The following PTH2R variants were observed in gnomAD, a reference collection of about 807,000 sequenced individuals.
PTH2R encodes the protein PTH2 receptor.
In PTH2R, 59 loss-of-function variants were observed where a neutral mutation model predicts 60.3. The ratio of observed to expected loss-of-function variants is 0.98; its 90% CI spans 0.79 to 1.22. The LOEUF (loss-of-function observed/expected upper bound fraction) is 1.22. PTH2R is among the 50% of genes most tolerant of loss of function. The pLI is 0.00. For missense variants in PTH2R, 749 were observed against 682.6 expected (o/e 1.10, Z -1.08); for synonymous variants, 256 against 243.8 (o/e 1.05, Z -0.47).
intron 1 of PTH2R, among the ~76,000 whole-genome samples, chr2:208,410,735 G>C (rs371690722): frequency 6.6e-6 from 1 of 151,998 alleles, no homozygotes; most frequent in Admixed American, 6.6e-5. Flanking sequence ...AGTAATATAT[G>C]TTTTATGAAC....
chr2:208,459,729 C>T (rs1245092972), intron 8 of PTH2R, among the ~76,000 whole-genome samples, 166 bp from the exon 9 acceptor site: 1 of 152,142 alleles, frequency 6.6e-6, no homozygotes, highest in Non-Finnish European at 1.5e-5. Context: ...ACCCGTTACA[C>T]TTTTTCCCCC....
At chr2:208,488,452 T>C (rs1451703420) in intron 10 of PTH2R, among the ~76,000 whole-genome samples, 1 of 152,166 alleles carries the variant, frequency 6.6e-6, no homozygotes, top group Non-Finnish European at 1.5e-5. Flanking sequence ...GTCTCAAATA[T>C]AGAAGTTAAA....
Position 208,481,141 on chromosome 2 carries a change from G to A in PTH2R, c.1053G>A (p.Gly351=), listed in dbSNP as rs767678185. The part of the protein sequence containing the change: ...ATKIWETNAV[G]HDTRKQYRKL... ...AAATCTGGGAGACCAATGCAGTTGGGCATGACACAAGGAAGCAATACAGGT... is the reference window on the plus strand; with the variant it reads ...AAATCTGGGAGACCAATGCAGTTGGACATGACACAAGGAAGCAATACAGGT... The change falls in exon 10 of 13, where the codon GGG becomes GGA. Residue 351 remains glycine (G), a synonymous_variant. Coordinates refer to ENST00000272847, the MANE Select transcript of PTH2R (RefSeq NM_005048.4). The A allele has an allele frequency of 9.9e-6, 16 of 1,609,624 alleles. 1 individual carries two copies. The South Asian group carries it at 1.3e-4, about 13-fold the overall frequency.
In PTH2R at chr2:208,432,679, G is replaced by A. The variant is rs568176973; in HGVS notation, c.178+4376G>A. ...TAAGTCCAAGAGCCTCAAAAACAGG[G>A]AAGCCTTCAGTCCATGGCCAAATAC... On this transcript the variant is annotated intron_variant, in intron 2 of 12. Transcript: ENST00000272847. Among the ~76,000 whole-genome samples the A allele has an allele frequency of 1.6e-4, 25 of 152,250 alleles. No individual in the cohort carries two copies. In the South Asian group the frequency reaches 5.2e-3, roughly 32 times the overall value.
intron 4 of PTH2R, among the ~76,000 whole-genome samples, chr2:208,441,851 G>A (rs1702191124): frequency 6.6e-6 from 1 of 152,116 alleles, no homozygotes; most frequent in Non-Finnish European, 1.5e-5. Flanking sequence ...AATTACATAA[G>A]ATGTAAGCTT....
At chr2:208,374,667 T>C (rs1417426226) in intron 1 of PTH2R, among the ~76,000 whole-genome samples, 2 of 152,070 alleles carry the variant, frequency 1.3e-5, no homozygotes, top group South Asian at 4.2e-4. Context: ...CACGCCTGGC[T>C]AAGTTTTGTA....
At chr2:208,468,330 G>A (rs1329847873) in intron 9 of PTH2R, among the ~76,000 whole-genome samples, 1 of 152,186 alleles carries the variant, frequency 6.6e-6, no homozygotes, top group Non-Finnish European at 1.5e-5. Context: ...AGTGTTTTAT[G>A]TACATCAATG....
In PTH2R at chr2:208,493,548, G is replaced by A. The variant is rs781226474; in HGVS notation, c.1542G>A (p.Lys514=). 40 of 1,613,816 alleles carry A rather than the reference G, an allele frequency of 2.5e-5. No individual in the cohort carries two copies. Among genetic ancestry groups the A allele is most frequent in the Non-Finnish European group, 3.1e-5 (36 of 1,179,878 alleles). ...CACACTCTTTCCACGAGGAGACCAA[G>A]GAAGATAGTGGGAGGCAGGGAGATG... ...CLPHSFHEET[K]EDSGRQGDDI... The change falls in exon 13 of 13, where the codon AAG becomes AAA. Residue 514 remains lysine (K), a synonymous_variant. Transcript: ENST00000272847.
intron 8 of PTH2R, among the ~76,000 whole-genome samples, chr2:208,453,235 A>G (rs1026123036): frequency 1.3e-5 from 2 of 152,180 alleles, no homozygotes; most frequent in African/African-American, 4.8e-5. Flanking sequence ...TTTTGTTGAC[A>G]TATAAGCTCA....
rs1313945044 is a variant in PTH2R, at chr2:208,471,514, A to G, written c.982-9556A>G. Among the ~76,000 whole-genome samples, 8 of 152,338 alleles carry G rather than the reference A, an allele frequency of 5.3e-5. No homozygotes were observed. In the East Asian group the frequency reaches 1.4e-3, roughly 26 times the overall value. ...CAAGCCCCAAGCCTTGGCAGCTTCCATGTGGTGTTGAGCCTGTAAGTATAC... is the reference window on the plus strand; with the variant it reads ...CAAGCCCCAAGCCTTGGCAGCTTCCGTGTGGTGTTGAGCCTGTAAGTATAC... On this transcript the variant is annotated intron_variant, in intron 9 of 12. Coordinates refer to ENST00000272847, the MANE Select transcript of PTH2R (RefSeq NM_005048.4).
At chr2:208,392,580 C>T (rs1701126060) in intron 1 of PTH2R, among the ~76,000 whole-genome samples, 1 of 152,152 alleles carries the variant, frequency 6.6e-6, no homozygotes, top group Admixed American at 6.5e-5. Flanking sequence ...ATATCTCTAC[C>T]TAATAAAGGA....
intron 1 of PTH2R, among the ~76,000 whole-genome samples, chr2:208,381,739 C>G (rs982031053): frequency 1.3e-5 from 2 of 152,132 alleles, no homozygotes; most frequent in African/African-American, 4.8e-5. Flanking sequence ...CTTGTACAAT[C>G]AATACCCTGT....
chr2:208,490,662 C>T lies in PTH2R; in HGVS notation c.1239C>T (p.Tyr413=). The T allele has an allele frequency of 1.2e-6, 2 of 1,610,116 alleles. No individual in the cohort carries two copies. The highest frequency in any genetic ancestry group is 1.7e-6 in the Non-Finnish European group (2 of 1,179,084). Residue 413 remains tyrosine, a synonymous_variant, in exon 12 of 13, where the codon TAC becomes TAT. Coordinates refer to ENST00000272847, the MANE Select transcript of PTH2R (RefSeq NM_005048.4). ...SFQGFFVSII[Y]CYCNGEVQAE... ...AGGGTTTCTTTGTGTCTATCATCTACTGCTACTGCAATGGAGAGGTAGGTT... is the reference window on the plus strand; with the variant it reads ...AGGGTTTCTTTGTGTCTATCATCTATTGCTACTGCAATGGAGAGGTAGGTT...
rs60871321 is a variant in PTH2R at position 208,465,388 on chromosome 2, C to CTTTTTTTTTTTTT, written c.981+5447_981+5459dup. Among the ~76,000 whole-genome samples, 3 of 39,904 alleles carry CTTTTTTTTTTTTT rather than the reference C, an allele frequency of 7.5e-5. 1 individual carries two copies. The highest frequency in any genetic ancestry group is 1.2e-4 in the Non-Finnish European group (3 of 24,190). 26.2% of individuals were successfully genotyped at this position (39,904 alleles called of 152,430 possible). A position where few individuals can be genotyped will look rare whatever the true frequency, so the allele number is the denominator to read the frequency against. On this transcript the variant is annotated intron_variant, in intron 9 of 12. Coordinates refer to ENST00000272847, the MANE Select transcript of PTH2R (RefSeq NM_005048.4). Reference sequence around the variant, plus strand: ...ACATACTTGTTGGCTATTTGTAAGTCTTTTTTTTTTTTTTTTTTTTTTTTT... The same window carrying CTTTTTTTTTTTTT: ...ACATACTTGTTGGCTATTTGTAAGTCTTTTTTTTTTTTTTTTTTTTTTTTTTTTTTTTTTTTTT...
At chr2:208,411,331 A>G (rs1262249037) in intron 1 of PTH2R, among the ~76,000 whole-genome samples, 1 of 152,166 alleles carries the variant, frequency 6.6e-6, no homozygotes, top group Non-Finnish European at 1.5e-5. Flanking sequence ...TATTGTAGTT[A>G]AAGATAAGAG....
intron 9 of PTH2R, among the ~76,000 whole-genome samples, chr2:208,468,134 A>G (rs370543087): frequency 6.6e-6 from 1 of 152,306 alleles, no homozygotes; most frequent in South Asian, 2.1e-4. Context: ...TGAAGCCTAC[A>G]TACCTCATAT....
intron 1 of PTH2R, among the ~76,000 whole-genome samples, chr2:208,389,162 C>T (rs1318728203): frequency 6.6e-6 from 1 of 151,352 alleles, no homozygotes; most frequent in African/African-American, 2.4e-5. Flanking sequence ...ACATATTTTC[C>T]ATTACTCTGA....
upstream of PTH2R, among the ~76,000 whole-genome samples, chr2:208,406,651 T>A (rs1027054837): frequency 3.9e-5 from 6 of 152,214 alleles, no homozygotes; most frequent in Admixed American, 3.9e-4. Context: ...TGAGATCCTT[T>A]GCCCTCCGCC....
At chr2:208,488,739 T>C (rs1288961983) in intron 10 of PTH2R, among the ~76,000 whole-genome samples, 2 of 152,052 alleles carry the variant, frequency 1.3e-5, no homozygotes, top group Non-Finnish European at 2.9e-5. Flanking sequence ...TATTCAGGCA[T>C]GGTGGCAAGC....
Sources: gnomAD v4.1 joint callset for allele counts (sites outside exome capture counted in the v4.1 genomes callset) on GRCh38, gnomAD v4.1.1 for gene constraint, MANE v1.5 for transcripts, NCBI Gene and HGNC (gene_info 2026-07-23, HGNC 2026-07-21) for gene names.